The following MED23 variants were observed in gnomAD, a reference collection of about 807,000 sequenced individuals.
The protein encoded by MED23 is mediator complex subunit 23, also known as mediator of RNA polymerase II transcription subunit 23.
In MED23, 105 loss-of-function variants were observed where a neutral mutation model predicts 163.9. The ratio of observed to expected loss-of-function variants is 0.64; its 90% CI spans 0.55 to 0.75. The LOEUF (loss-of-function observed/expected upper bound fraction) is 0.75. MED23 is among the 30% of genes least tolerant of loss of function. The pLI is 0.00. For missense variants in MED23, 1,054 were observed against 1,649.0 expected (o/e 0.64, Z 6.25); for synonymous variants, 561 against 565.6 (o/e 0.99, Z 0.12).
intron 3 of MED23, chr6:131,627,054 A>G (rs750345371): frequency 2.4e-5 from 5 of 211,172 alleles, no homozygotes; most frequent in Admixed American, 5.4e-5. Flanking sequence ...GAAAAATGGA[A>G]TTTGTATCCT....
At position 131,598,793 on chromosome 6, in the gene MED23, G is replaced by T. The variant is rs764648012; in HGVS notation, c.2221-32C>A. ...AGAGGATTAGAAGTTTATTTCATTGGTTATAGTAGAAAGAGCACTGGATAT... is the reference window on the plus strand; with the variant it reads ...AGAGGATTAGAAGTTTATTTCATTGTTTATAGTAGAAAGAGCACTGGATAT... On this transcript the variant is annotated intron_variant, in intron 18 of 28. Transcript: ENST00000368068. The surrounding 1 kb of genome is among the most constrained non-coding windows in gnomAD (Gnocchi z 4.7). The T allele has an allele frequency of 6.3e-7, 1 of 1,592,636 alleles. No homozygotes were observed. Among genetic ancestry groups the T allele is most frequent in the Non-Finnish European group, 8.6e-7 (1 of 1,160,626 alleles).
chr6:131,628,293 C>A (rs902754217), upstream of MED23: 9 of 552,742 alleles, frequency 1.6e-5, no homozygotes, highest in Non-Finnish European at 2.6e-5. Flanking sequence ...ACCAGCGGCG[C>A]CACCAGAAGG....
At chr6:131,619,783 TA>T in intron 8 of MED23, 43 bp downstream of exon 8, 1 of 1,394,524 alleles carries the variant, frequency 7.2e-7, no homozygotes, top group South Asian at 1.2e-5. Context: ...ATTAGATTAC[TA>T]AAAATCAGGT....
At chr6:131,606,726 A>C (rs1775879568) in intron 12 of MED23, 102 bp from the exon 13 acceptor site, 10 of 1,039,888 alleles carry the variant, frequency 9.6e-6, no homozygotes, top group Non-Finnish European at 1.4e-5. Context: ...TCTTTTTAGC[A>C]TATCATGTCT....
downstream of MED23, chr6:131,583,641 A>G (rs531680947): frequency 1.3e-6 from 2 of 1,519,796 alleles, no homozygotes; most frequent in East Asian, 2.4e-5. Flanking sequence ...TCCATCGGTT[A>G]CTACCTTTTT....
intron 10 of MED23, chr6:131,615,626 G>A (rs1776630010): frequency 1.8e-6 from 1 of 543,896 alleles, no homozygotes; most frequent in Non-Finnish European, 3.2e-6. Context: ...GTTGAGTCAT[G>A]TGTAGGTTTC....
intron 6 of MED23, among the ~76,000 whole-genome samples, chr6:131,621,244 A>G (rs1188541806): frequency 3.3e-5 from 5 of 152,202 alleles, no homozygotes; most frequent in Admixed American, 6.5e-5. Flanking sequence ...CCTACTGGAC[A>G]TTATGGTGAC....
intron 30 of MED23, chr6:131,579,053 C>T: frequency 6.3e-7 from 1 of 1,581,264 alleles, no homozygotes; most frequent in African/African-American, 1.3e-5. Flanking sequence ...GATCATCCTA[C>T]ACAGACTGAT....
At chr6:131,600,017 A>T (rs1354383814) in intron 18 of MED23, 21 bp downstream of exon 18, 1 of 1,613,480 alleles carries the variant, frequency 6.2e-7, no homozygotes, top group Admixed American at 1.7e-5. Context: ...GCATTCAATA[A>T]GTAATTCAAG....
chr6:131,590,510 A>G, intron 26 of MED23, 68 bp from the exon 27 acceptor site: 1 of 1,139,386 alleles, frequency 8.8e-7, no homozygotes. Flanking sequence ...TTGTTCATAC[A>G]GTATATACAA....
rs140079549 is a variant in MED23 at position 131,588,691 on chromosome 6, A to T, written c.3939+774T>A. 3.4e-3 allele frequency among the ~76,000 whole-genome samples: 513 copies of T among 152,200 alleles called. 4 individuals are homozygous for T. Among genetic ancestry groups the T allele is most frequent in the African/African-American group, 0.012 (493 of 41,532 alleles). ...AACCTAAAGTACTGGGAGGGGTAGG[A>T]GGATGGACTTAACTTTCCCTATCTG... On this transcript the variant is annotated intron_variant, in intron 28 of 28. Transcript: ENST00000368068.
rs557960412 is a variant in MED23, at chr6:131,577,915, A to G, written c.4096-3620T>C. ...CGAGACTCCATCTCCAAAAAAAAAA[A>G]AAAAAGAAAAAGGAATGGACCGCAA... On this transcript the variant is annotated intron_variant, in intron 30 of 30. Transcript: ENST00000354577. 2.1e-3 allele frequency among the ~76,000 whole-genome samples: 325 copies of G among 152,042 alleles called. 2 individuals are homozygous for G. The highest frequency in any genetic ancestry group is 7.3e-3 in the Admixed American group (111 of 15,264).
At chr6:131,583,500 C>A, downstream of MED23, 1 of 1,614,030 alleles carries the variant, frequency 6.2e-7, no homozygotes, top group Admixed American at 1.7e-5. Context: ...AGGTAGTTAA[C>A]AATCTGAGGT....
chr6:131,576,674 G>A lies in MED23; in HGVS notation c.4096-2379C>T. The A allele has an allele frequency of 6.2e-7, 1 of 1,613,932 alleles. No homozygotes were observed. The highest frequency in any genetic ancestry group is 8.5e-7 in the Non-Finnish European group (1 of 1,179,858). ...TTTTAATTGTTCAGCCACGAGGAGG[G>A]GTGGAAGAAGGCCCTACAGTATTGA... On this transcript the variant is annotated intron_variant, in intron 30 of 30. Transcript: ENST00000354577.
downstream of MED23, chr6:131,584,036 ACT>A (rs1774078280): frequency 9.5e-7 from 1 of 1,055,664 alleles, no homozygotes; most frequent in South Asian, 1.6e-5. Flanking sequence ...ATTAGTATAA[ACT>A]CTACAAATTC....
downstream of MED23, chr6:131,583,543 A>G: frequency 3.2e-6 from 5 of 1,548,784 alleles, no homozygotes; most frequent in Non-Finnish European, 4.3e-6. Flanking sequence ...TGACTAATAT[A>G]TATTTATACC....
chr6:131,621,944 C>A lies in MED23; in HGVS notation c.432G>T (p.Lys144Asn). ...VRDLLKVILEKILTIPNTVSS... is the reference protein window; with the variant it reads ...VRDLLKVILENILTIPNTVSS... ...TCACTGTATTAGGAATTGTCAAAATCTTCTCCAAAATCACTTTTAAGAGAT... is the reference window on the plus strand; with the variant it reads ...TCACTGTATTAGGAATTGTCAAAATATTCTCCAAAATCACTTTTAAGAGAT... The change falls in exon 6 of 29, where the codon AAG becomes AAT. Residue 144 changes from lysine to asparagine, a missense_variant. Around this residue, in one of 11 missense-constraint regions of MED23, gnomAD observed 227 missense variants for 235.5 expected, o/e 0.96. Coordinates refer to ENST00000368068, the MANE Select transcript of MED23 (RefSeq NM_004830.4). The A allele has an allele frequency of 1.9e-6, 3 of 1,613,762 alleles. No homozygotes were observed. The highest frequency in any genetic ancestry group is 8.5e-7 in the Non-Finnish European group (1 of 1,179,770).
intron 21 of MED23, 26 bp from the exon 22 acceptor site, chr6:131,596,189 G>A (rs1294809211): frequency 3.8e-6 from 6 of 1,594,602 alleles, no homozygotes; most frequent in Non-Finnish European, 5.2e-6. Context: ...GATGATAAAT[G>A]GTTAGAGCAT....
At chr6:131,590,193 T>C (rs1417367081) in intron 27 of MED23, 129 bp downstream of exon 27, 5 of 832,476 alleles carry the variant, frequency 6.0e-6, no homozygotes, top group African/African-American at 1.7e-5. Flanking sequence ...CTAAAATTGC[T>C]CTTGGATCCT....
Sources: gnomAD v4.1 joint callset for allele counts (sites outside exome capture counted in the v4.1 genomes callset) on GRCh38, gnomAD v4.1.1 for gene constraint, gnomAD v4.1.1 regional missense constraint, Gnocchi (gnomAD v3.1) non-coding constraint, MANE v1.5 for transcripts, NCBI Gene and HGNC (gene_info 2026-07-23, HGNC 2026-07-21) for gene names.